Variants in PRKG1 observed in about 807,000 individuals in gnomAD.
PRKG1 encodes cGMP-dependent protein kinase 1.
A neutral mutation model predicts 88.1 loss-of-function variants in PRKG1; 35 were observed. The observed-to-expected ratio is 0.40, with a 90% CI of 0.30 to 0.53. PRKG1 has a LOEUF of 0.53. Among genes scored for constraint, PRKG1 ranks in the 20% least tolerant of loss-of-function variants. PRKG1 has a pLI of 0.59. For synonymous variants in PRKG1, 303 were observed against 292.5 expected (o/e 1.04, Z -0.37); for missense variants, 540 against 839.8 (o/e 0.64, Z 4.41).
At chr10:51,181,877 G>A (rs1837356865) in intron 2 of PRKG1, among the ~76,000 whole-genome samples, 1 of 152,196 alleles carries the variant, frequency 6.6e-6, no homozygotes, top group Non-Finnish European at 1.5e-5. Context: ...TATTTTGCAT[G>A]TATGAAAGTT....
intron 2 of PRKG1, among the ~76,000 whole-genome samples, chr10:51,162,585 T>C (rs1316556083): frequency 1.3e-5 from 2 of 152,232 alleles, no homozygotes; most frequent in African/African-American, 4.8e-5. Context: ...ATAGTTACAT[T>C]AATGATTTGT....
At chr10:51,425,084 T>C (rs1380484957) in intron 2 of PRKG1, among the ~76,000 whole-genome samples, 1 of 152,184 alleles carries the variant, frequency 6.6e-6, no homozygotes, top group Non-Finnish European at 1.5e-5. Flanking sequence ...TATCAGGTAT[T>C]TTGTTAGATG....
intron 2 of PRKG1, among the ~76,000 whole-genome samples, chr10:51,447,885 A>C (rs1183611158): frequency 6.6e-6 from 1 of 152,108 alleles, no homozygotes; most frequent in African/African-American, 2.4e-5. Flanking sequence ...ATCATCTAGC[A>C]CATGACCATA....
rs541733533 is a variant in PRKG1 at position 51,759,335 on chromosome 10, C to T, written c.593-45250C>T. On this transcript the variant is annotated intron_variant, in intron 3 of 17. Coordinates refer to ENST00000373980, the MANE Select transcript of PRKG1 (RefSeq NM_006258.4). ...AGGCTGGAGTGTGATGGTGCGATCT[C>T]GGCTCACTGCAACCTCCACCTCCCA... Among the ~76,000 whole-genome samples, 26 of 151,892 alleles carry T rather than the reference C, an allele frequency of 1.7e-4. No homozygotes were observed. In the South Asian group the frequency reaches 2.7e-3, roughly 16 times the overall value.
At chr10:51,375,885 T>C (rs1842808082) in intron 2 of PRKG1, among the ~76,000 whole-genome samples, 1 of 152,200 alleles carries the variant, frequency 6.6e-6, no homozygotes, top group African/African-American at 2.4e-5. Context: ...AGAGTGTATT[T>C]ACTTTAAGAA....
chr10:51,811,427 T>A (rs1407740983), intron 4 of PRKG1, among the ~76,000 whole-genome samples: 1 of 152,162 alleles, frequency 6.6e-6, no homozygotes, highest in African/African-American at 2.4e-5. Flanking sequence ...CACTTTATTT[T>A]GATATTTTAA....
At chr10:51,659,481 T>C (rs2132327734) in intron 3 of PRKG1, among the ~76,000 whole-genome samples, 1 of 152,220 alleles carries the variant, frequency 6.6e-6, no homozygotes, top group South Asian at 2.1e-4. Flanking sequence ...ATGAACATAA[T>C]TGTTTTCAGG....
At chr10:51,158,753 G>C (rs1387777963) in intron 2 of PRKG1, among the ~76,000 whole-genome samples, 2 of 151,858 alleles carry the variant, frequency 1.3e-5, no homozygotes, top group South Asian at 2.1e-4. Context: ...GTACCTTGGA[G>C]GCCTTATTTT....
intron 5 of PRKG1, among the ~76,000 whole-genome samples, chr10:52,052,424 AAAT>A (rs143155555): frequency 1.3e-5 from 2 of 150,138 alleles, no homozygotes; most frequent in Admixed American, 6.7e-5. Context: ...AAAAAAAATA[AAAT>A]AATAATAATA....
chr10:51,399,890 C>A (rs1457775988), intron 2 of PRKG1, among the ~76,000 whole-genome samples: 3 of 152,122 alleles, frequency 2.0e-5, no homozygotes, highest in African/African-American at 7.2e-5. Flanking sequence ...AATGTGGGTG[C>A]CGGGGGCAGA....
At chr10:52,042,990 T>G (rs964622454) in intron 5 of PRKG1, among the ~76,000 whole-genome samples, 2 of 152,138 alleles carry the variant, frequency 1.3e-5, no homozygotes, top group Non-Finnish European at 2.9e-5. Context: ...TTATCACTAA[T>G]TATCAGGGAA....
chr10:51,649,992 T>G (rs1202645883), intron 3 of PRKG1, among the ~76,000 whole-genome samples: 1 of 152,114 alleles, frequency 6.6e-6, no homozygotes, highest in Non-Finnish European at 1.5e-5. Flanking sequence ...ACTACGTAGG[T>G]CTCTTGCCTA....
chr10:52,232,686 G>C (rs569952699), intron 9 of PRKG1, among the ~76,000 whole-genome samples: 5 of 152,222 alleles, frequency 3.3e-5, no homozygotes, highest in South Asian at 2.1e-4. Flanking sequence ...TGAAGATACC[G>C]TGTGACTACT....
rs149719713 is a variant in PRKG1 at position 51,185,025 on chromosome 10, A to G, written c.478+31695A>G. ...CTTTACAGGACAGCCACTATCCTCT[A>G]AAATTCATTTTGATAATTGTGACAT... On this transcript the variant is annotated intron_variant, in intron 2 of 17. Transcript: ENST00000373980. Among the ~76,000 whole-genome samples, 969 of 152,298 alleles carry G rather than the reference A, an allele frequency of 6.4e-3. 6 individuals carry two copies. Among genetic ancestry groups the G allele is most frequent in the Middle Eastern group, 0.014 (4 of 294 alleles).
intron 9 of PRKG1, among the ~76,000 whole-genome samples, chr10:52,182,540 T>C (rs1275259430): frequency 1.9e-5 from 2 of 107,596 alleles, no homozygotes; most frequent in African/African-American, 8.4e-5. Flanking sequence ...AATGCCTAGG[T>C]TTTCTTCTAG....
chr10:52,116,271 G>A (rs922312226), intron 7 of PRKG1, among the ~76,000 whole-genome samples: 7 of 152,076 alleles, frequency 4.6e-5, no homozygotes, highest in South Asian at 2.1e-4. Context: ...CAATGTATAC[G>A]TGTTTAGTGT....
At chr10:51,215,459 G>A (rs769424450) in intron 2 of PRKG1, among the ~76,000 whole-genome samples, 30 of 152,106 alleles carry the variant, frequency 2.0e-4, no homozygotes, top group Non-Finnish European at 2.8e-4. Context: ...GTGAGAACAG[G>A]TGTTGAAATT....
intron 1 of PRKG1, among the ~76,000 whole-genome samples, chr10:51,125,930 A>T (rs1198775146): frequency 7.5e-6 from 1 of 133,196 alleles, no homozygotes; most frequent in African/African-American, 2.8e-5. Flanking sequence ...TATATAAATT[A>T]TATGATTTAT....
At chr10:51,803,559 A>G (rs903592436) in intron 3 of PRKG1, among the ~76,000 whole-genome samples, 2 of 152,008 alleles carry the variant, frequency 1.3e-5, no homozygotes, top group Non-Finnish European at 2.9e-5. Flanking sequence ...TCACTCCCAA[A>G]TCATGATCCA....
Sources: allele counts gnomAD v4.1 joint callset (sites outside exome capture counted in the v4.1 genomes callset), GRCh38; gene constraint gnomAD v4.1.1; transcripts MANE v1.5; gene names NCBI Gene and HGNC (gene_info 2026-07-23, HGNC 2026-07-21).